Variants in EFNA5 observed in about 807,000 individuals in gnomAD.
The protein encoded by EFNA5 is ephrin-A5.
EFNA5 carries 5 observed loss-of-function variants against 22.9 expected under a neutral mutation model. The ratio of observed to expected loss-of-function variants is 0.22; its 90% CI spans 0.11 to 0.46. The LOEUF (loss-of-function observed/expected upper bound fraction) is 0.46. EFNA5 is among the 20% of genes least tolerant of loss of function. The probability of loss-of-function intolerance (pLI) is 0.99; values close to 1 mark genes in which losing one functional copy is unlikely to be tolerated. For missense variants in EFNA5, 237 were observed against 293.3 expected (o/e 0.81, Z 1.40); for synonymous variants, 113 against 112.2 (o/e 1.01, Z -0.04).
intron 1 of EFNA5, among the ~76,000 whole-genome samples, chr5:107,520,655 T>C (rs1036445136): frequency 6.6e-6 from 1 of 152,222 alleles, no homozygotes; most frequent in African/African-American, 2.4e-5. Context: ...AAGTCTGCCA[T>C]CTTATGATTT....
At chr5:107,534,251 G>A (rs145148165) in intron 1 of EFNA5, among the ~76,000 whole-genome samples, 104 of 152,302 alleles carry the variant, frequency 6.8e-4, no homozygotes, top group African/African-American at 2.4e-3. Context: ...GTTTGAGGAT[G>A]TATAAACTAT....
At chr5:107,501,833 A>G (rs1008765250) in intron 1 of EFNA5, among the ~76,000 whole-genome samples, 1 of 152,242 alleles carries the variant, frequency 6.6e-6, no homozygotes, top group Non-Finnish European at 1.5e-5. Flanking sequence ...GCCATTAAAC[A>G]AACAAAAAAC....
At chr5:107,584,192 A>C (rs974395388) in intron 1 of EFNA5, among the ~76,000 whole-genome samples, 10 of 151,726 alleles carry the variant, frequency 6.6e-5, no homozygotes, top group African/African-American at 1.7e-4. Context: ...TACAAAACAG[A>C]ACTTTGTCCT....
intron 1 of EFNA5, among the ~76,000 whole-genome samples, chr5:107,572,234 G>A (rs1310521214): frequency 3.3e-5 from 5 of 151,938 alleles, no homozygotes. Flanking sequence ...TTGGTCCTGC[G>A]CCAGACAGCC....
In EFNA5 at chr5:107,534,687, A is replaced by G. The variant is rs145726680; in HGVS notation, c.126-107178T>C. Among the ~76,000 whole-genome samples, 267 of 152,294 alleles carry G rather than the reference A, an allele frequency of 1.8e-3. 2 individuals carry two copies. Among genetic ancestry groups the G allele is most frequent in the African/African-American group, 6.3e-3 (262 of 41,560 alleles). ...GCAGAAGTGCCAAACCTTAACCTCA[A>G]GTTACTTCTGGTAGACCACATATAA... is the stretch of plus-strand genomic sequence containing the variant. On this transcript the variant is annotated intron_variant, in intron 1 of 4. Coordinates refer to ENST00000333274, the MANE Select transcript of EFNA5 (RefSeq NM_001962.3).
chr5:107,532,488 C>T (rs1580515896), intron 1 of EFNA5, among the ~76,000 whole-genome samples: 1 of 152,318 alleles, frequency 6.6e-6, no homozygotes, highest in Non-Finnish European at 1.5e-5. Context: ...TAGGAATTAG[C>T]CGGGTTAAAT....
chr5:107,669,702 G>A (rs1304581832), intron 1 of EFNA5, among the ~76,000 whole-genome samples: 1 of 152,152 alleles, frequency 6.6e-6, no homozygotes, highest in Non-Finnish European at 1.5e-5. Flanking sequence ...TCCTCCGGCA[G>A]CACATCGCCA....
intron 2 of EFNA5, among the ~76,000 whole-genome samples, chr5:107,390,217 C>T (rs1392880240): frequency 6.6e-6 from 1 of 152,164 alleles, no homozygotes; most frequent in African/African-American, 2.4e-5. Context: ...AGTAGCAAAA[C>T]TCCATTTTTT....
At chr5:107,546,873 TGG>T (rs1748169912) in intron 1 of EFNA5, among the ~76,000 whole-genome samples, 1 of 152,126 alleles carries the variant, frequency 6.6e-6, no homozygotes, top group South Asian at 2.1e-4. Flanking sequence ...CAGGGAACAC[TGG>T]GTAAATTGTA....
chr5:107,381,500 A>G, intron 4 of EFNA5, 124 bp from the exon 5 acceptor site: 1 of 1,088,696 alleles, frequency 9.2e-7, no homozygotes, highest in Non-Finnish European at 1.2e-6. Flanking sequence ...TTGTGCCACC[A>G]TTGACTTTCA....
intron 1 of EFNA5, among the ~76,000 whole-genome samples, chr5:107,542,273 G>T (rs1477953078): frequency 1.6e-4 from 24 of 152,290 alleles, no homozygotes; most frequent in Non-Finnish European, 4.4e-5. Flanking sequence ...TTCCCAAGCT[G>T]TACTGAAAGG....
chr5:107,382,912 G>C (rs1251625653), intron 4 of EFNA5, among the ~76,000 whole-genome samples: 1 of 152,128 alleles, frequency 6.6e-6, no homozygotes, highest in African/African-American at 2.4e-5. Context: ...CCCTTAATGG[G>C]TTAACTAACC....
At chr5:107,400,875 T>C (rs1224102906) in intron 2 of EFNA5, among the ~76,000 whole-genome samples, 1 of 152,234 alleles carries the variant, frequency 6.6e-6, no homozygotes, top group African/African-American at 2.4e-5. Context: ...GATGAAAACT[T>C]TGCCTACTTT....
chr5:107,536,226 T>C (rs1027974510), intron 1 of EFNA5, among the ~76,000 whole-genome samples: 1 of 152,216 alleles, frequency 6.6e-6, no homozygotes. Flanking sequence ...CATTAAATGG[T>C]GGCACATGGA....
intron 1 of EFNA5, among the ~76,000 whole-genome samples, chr5:107,554,451 G>A (rs1748365149): frequency 6.6e-6 from 1 of 152,070 alleles, no homozygotes; most frequent in African/African-American, 2.4e-5. Flanking sequence ...ACTGATATGG[G>A]AAAAATTAAT....
At chr5:107,505,836 C>T (rs376257765) in intron 1 of EFNA5, among the ~76,000 whole-genome samples, 13 of 151,906 alleles carry the variant, frequency 8.6e-5, no homozygotes, top group African/African-American at 3.1e-4. Flanking sequence ...TTCTCTCCCC[C>T]CCACCTTCTC....
At chr5:107,395,919 A>T (rs1747911385) in intron 2 of EFNA5, among the ~76,000 whole-genome samples, 1 of 152,172 alleles carries the variant, frequency 6.6e-6, no homozygotes, top group South Asian at 2.1e-4. Context: ...TATTTATATT[A>T]TTTCTTCTCC....
At chr5:107,655,393 C>A (rs143755593) in intron 1 of EFNA5, among the ~76,000 whole-genome samples, 1 of 152,006 alleles carries the variant, frequency 6.6e-6, no homozygotes, top group Non-Finnish European at 1.5e-5. Flanking sequence ...ATGAGCACAG[C>A]GATTGTAAAT....
At chr5:107,439,607 G>A (rs956139393) in intron 1 of EFNA5, among the ~76,000 whole-genome samples, 1 of 152,168 alleles carries the variant, frequency 6.6e-6, no homozygotes, top group Non-Finnish European at 1.5e-5. Flanking sequence ...CCTGCACATG[G>A]GAGAGACTCA....
Sources: allele counts gnomAD v4.1 joint callset (sites outside exome capture counted in the v4.1 genomes callset), GRCh38; gene constraint gnomAD v4.1.1; transcripts MANE v1.5; gene names NCBI Gene and HGNC (gene_info 2026-07-23, HGNC 2026-07-21).